The following ACAD11 variants were observed in gnomAD, a reference collection of about 807,000 sequenced individuals.
ACAD11 encodes acyl-Coenzyme A dehydrogenase family, member 11.
Under a neutral mutation model 102.2 loss-of-function variants are expected in ACAD11, and 83 were observed. That is an observed-to-expected ratio of 0.81 (90% CI 0.68 to 0.97). ACAD11 has a LOEUF of 0.97. Ranked by LOEUF, ACAD11 falls within the 50% of genes least tolerant of loss-of-function variation. The probability of loss-of-function intolerance (pLI) is 0.00; values close to 1 mark genes in which losing one functional copy is unlikely to be tolerated. For missense variants in ACAD11, 901 were observed against 951.7 expected, an observed-to-expected ratio of 0.95 and a Z score of 0.70; for synonymous variants, 324 against 319.8, an observed-to-expected ratio of 1.01 and a Z score of -0.14.
At chr3:132,609,243 A>G (rs1204416612) in intron 11 of ACAD11, among the ~76,000 whole-genome samples, 1 of 152,164 alleles carries the variant, frequency 6.6e-6, no homozygotes, top group African/African-American at 2.4e-5. Flanking sequence ...TAGAGAAGCA[A>G]GCCAAACAAA....
chr3:132,603,194 G>T (rs535266968), intron 13 of ACAD11, 35 bp downstream of exon 13: 1 of 1,468,822 alleles, frequency 6.8e-7, no homozygotes, highest in Non-Finnish European at 9.5e-7. Context: ...CAAAGGATCA[G>T]TGTGTTAGGT....
chr3:132,630,807 T>A (rs1012675288), intron 6 of ACAD11, among the ~76,000 whole-genome samples: 5 of 152,250 alleles, frequency 3.3e-5, no homozygotes, highest in Non-Finnish European at 5.9e-5. Context: ...CCAGTCACGA[T>A]GGCTCATGCC....
chr3:132,603,314 A>C lies in ACAD11; in HGVS notation c.1536T>G (p.Ala512=). The C allele has an allele frequency of 6.2e-7, 1 of 1,613,916 alleles. No individual in the cohort carries two copies. Among genetic ancestry groups the C allele is most frequent in the African/African-American group, 1.3e-5 (1 of 75,044 alleles). The stretch of plus-strand genomic sequence containing the variant: ...ATTCAATATTCGTGGCATCACTTGA[A>C]GCTACATCAGGTTCTATAAATAAAC... The part of the protein sequence containing the change: ...SCFCMTEPDV[A]SSDATNIECS... The change falls in exon 13 of 20, where the codon GCT becomes GCG. Residue 512 remains alanine, a synonymous_variant. Coordinates refer to ENST00000264990, the MANE Select transcript of ACAD11 (RefSeq NM_032169.5).
intron 17 of ACAD11, among the ~76,000 whole-genome samples, chr3:132,569,024 CTT>C (rs555495313): frequency 1.0e-3 from 159 of 151,708 alleles, no homozygotes; most frequent in African/African-American, 3.6e-3. Context: ...AAATTAAACA[CTT>C]TTGTTCTGTG....
intron 10 of ACAD11, 127 bp downstream of exon 10, chr3:132,619,341 C>G: frequency 1.8e-6 from 1 of 564,414 alleles, no homozygotes; most frequent in Non-Finnish European, 3.0e-6. Flanking sequence ...TATTAACTTT[C>G]TTTTTTTAAA....
chr3:132,583,405 A>G (rs756659645), intron 13 of ACAD11, among the ~76,000 whole-genome samples: 36 of 152,070 alleles, frequency 2.4e-4, no homozygotes, highest in African/African-American at 7.5e-4. Context: ...TATCCCCTTT[A>G]TCATTTTTTA....
At chr3:132,584,602 A>T (rs1425816759) in intron 13 of ACAD11, among the ~76,000 whole-genome samples, 1 of 152,176 alleles carries the variant, frequency 6.6e-6, no homozygotes, top group Non-Finnish European at 1.5e-5. Context: ...TCCTGTCATT[A>T]TGATGTTAGC....
At chr3:132,574,928 G>A (rs892362108) in intron 17 of ACAD11, among the ~76,000 whole-genome samples, 3 of 152,106 alleles carry the variant, frequency 2.0e-5, no homozygotes, top group Non-Finnish European at 2.9e-5. Flanking sequence ...TCTGTCTCCC[G>A]GGTTCAAGCA....
intron 11 of ACAD11, among the ~76,000 whole-genome samples, chr3:132,612,442 T>G (rs1939197846): frequency 6.6e-6 from 1 of 151,956 alleles, no homozygotes; most frequent in South Asian, 2.1e-4. Flanking sequence ...ACAGGCAACC[T>G]ACAGAATGGG....
At chr3:132,603,435 C>A in intron 12 of ACAD11, 108 bp from the exon 13 acceptor site, 1 of 879,418 alleles carries the variant, frequency 1.1e-6, no homozygotes, top group South Asian at 1.6e-5. Context: ...TTTTCAATGT[C>A]CTTTCACTCC....
rs140483537 is a variant in ACAD11, at chr3:132,583,116, G to C, written c.1622-3558C>G. Reference sequence around the variant, plus strand: ...TTTTCTATTGATTGGAATAGTTTCAGGAGGAATGGTACCAGCTCCTCCTTG... The same window carrying C: ...TTTTCTATTGATTGGAATAGTTTCACGAGGAATGGTACCAGCTCCTCCTTG... On this transcript the variant is annotated intron_variant, in intron 13 of 19. Coordinates refer to ENST00000264990, the MANE Select transcript of ACAD11 (RefSeq NM_032169.5). Among the ~76,000 whole-genome samples the C allele has an allele frequency of 4.4e-3, 673 of 152,234 alleles. 9 individuals are homozygous for C. The highest frequency in any genetic ancestry group is 0.016 in the African/African-American group (646 of 41,538).
intron 4 of ACAD11, among the ~76,000 whole-genome samples, chr3:132,641,692 GGAAGAGGAAGAAGAAGAA>G (rs1196211930): frequency 4.0e-5 from 5 of 126,086 alleles, no homozygotes; most frequent in African/African-American, 8.7e-5. Flanking sequence ...AAGAGGAAGA[GGAAGAGGAAGAAGAAGAA>G]GAAGAAGAAG....
At chr3:132,582,942 C>T (rs555842543) in intron 13 of ACAD11, among the ~76,000 whole-genome samples, 37 of 152,234 alleles carry the variant, frequency 2.4e-4, no homozygotes, top group African/African-American at 8.7e-4. Flanking sequence ...TCTTAACTAA[C>T]TGGGACAGAA....
At chr3:132,624,346 C>A (rs915821398) in intron 9 of ACAD11, among the ~76,000 whole-genome samples, 11 of 151,164 alleles carry the variant, frequency 7.3e-5, no homozygotes, top group African/African-American at 1.9e-4. Flanking sequence ...GTGGCTCACA[C>A]CTGTAATCCC....
At position 132,561,132 on chromosome 3, in the gene ACAD11, T is replaced by C. The variant is rs544750593; in HGVS notation, c.2087A>G (p.Asp696Gly). 1 of 1,613,394 alleles carries C rather than the reference T, an allele frequency of 6.2e-7. No homozygotes were observed. The highest frequency in any genetic ancestry group is 1.7e-5 in the Admixed American group (1 of 59,982). ...LLTLKAAHSM[D>G]TLGSAGAKKE... ...CTTAGCGCCAGCACTGCCCAGAGTG[T>C]CCATGCTGTGAGCAGCTTTCAGAGT... Residue 696 changes from aspartate (D) to glycine (G), a missense_variant, in exon 18 of 20, where the codon GAC becomes GGC. Asp to Gly is a moderately conservative substitution (Grantham distance 94, BLOSUM62 -1). Transcript: ENST00000264990.
chr3:132,640,249 C>A (rs1376151266), intron 4 of ACAD11, among the ~76,000 whole-genome samples: 1 of 151,998 alleles, frequency 6.6e-6, no homozygotes, highest in Non-Finnish European at 1.5e-5. Context: ...ACCACCACAC[C>A]CAGCTAATTT....
intron 13 of ACAD11, among the ~76,000 whole-genome samples, chr3:132,582,965 A>G (rs1937630507): frequency 2.0e-5 from 3 of 152,178 alleles, no homozygotes; most frequent in South Asian, 4.1e-4. Flanking sequence ...TTTTTTAACA[A>G]CATGCATTAC....
chr3:132,560,028 C>G (rs1000955844), intron 18 of ACAD11, 86 bp from the exon 19 acceptor site: 5 of 1,066,368 alleles, frequency 4.7e-6, no homozygotes, highest in Non-Finnish European at 5.5e-6. Context: ...AGGAAACTTT[C>G]CCACATCCAA....
chr3:132,652,877 T>G (rs1937609343), intron 1 of ACAD11, among the ~76,000 whole-genome samples: 1 of 152,120 alleles, frequency 6.6e-6, no homozygotes, highest in Non-Finnish European at 1.5e-5. Context: ...AAAACATGTC[T>G]CTGAAGCAAG....
Sources: allele counts gnomAD v4.1 joint callset (sites outside exome capture counted in the v4.1 genomes callset), GRCh38; gene constraint gnomAD v4.1.1; transcripts MANE v1.5; gene names NCBI Gene and HGNC (gene_info 2026-07-23, HGNC 2026-07-21).